Variants in KLHDC4 observed in about 807,000 individuals in gnomAD.
KLHDC4 encodes the protein kelch domain containing 4.
In KLHDC4, 90 loss-of-function variants were observed where a neutral mutation model predicts 62.4. The ratio of observed to expected loss-of-function variants is 1.44; its 90% CI spans 1.22 to 1.72. KLHDC4 has a LOEUF of 1.72. Among genes scored for constraint, KLHDC4 ranks in the 40% most tolerant of loss-of-function variants. The pLI is 0.00. For synonymous variants in KLHDC4, 386 were observed against 284.4 expected (o/e 1.36, Z -3.59); for missense variants, 1,025 against 699.7 (o/e 1.47, Z -5.25).
Position 87,756,395 on chromosome 16 carries a change from T to C in KLHDC4, c.270+4A>G. On this transcript the variant is annotated splice_donor_region_variant and intron_variant, in intron 3 of 11. Coordinates refer to ENST00000270583, the MANE Select transcript of KLHDC4 (RefSeq NM_017566.4). Reference sequence around the variant, plus strand: ...GGAAGAAAAGAAAAAAATATATACTTTACTTTTTGGCCGTTGAAATATTCA... The same window carrying C: ...GGAAGAAAAGAAAAAAATATATACTCTACTTTTTGGCCGTTGAAATATTCA... 1 of 1,603,698 alleles carries C rather than the reference T, an allele frequency of 6.2e-7. No homozygotes were observed. The highest frequency in any genetic ancestry group is 1.7e-5 in the Admixed American group (1 of 59,988).
chr16:87,753,758 G>A (rs558229009), intron 4 of KLHDC4, among the ~76,000 whole-genome samples: 70 of 150,126 alleles, frequency 4.7e-4, no homozygotes, highest in African/African-American at 1.7e-3. Flanking sequence ...CCAAGATCGC[G>A]CCACTGCACT....
chr16:87,721,740 G>A (rs888620280), intron 7 of KLHDC4, among the ~76,000 whole-genome samples: 2 of 152,232 alleles, frequency 1.3e-5, no homozygotes, highest in South Asian at 2.1e-4. Flanking sequence ...CATGCTCCAC[G>A]GCCTCGCGGT....
At chr16:87,763,067 T>G (rs2046116428) in intron 1 of KLHDC4, among the ~76,000 whole-genome samples, 2 of 152,330 alleles carry the variant, frequency 1.3e-5, no homozygotes, top group South Asian at 4.1e-4. Context: ...CAGGGTACAC[T>G]GCTTAGTATT....
At chr16:87,728,338 G>A (rs553910493) in intron 6 of KLHDC4, among the ~76,000 whole-genome samples, 1 of 152,230 alleles carries the variant, frequency 6.6e-6, no homozygotes, top group Non-Finnish European at 1.5e-5. Flanking sequence ...ACAGACCACT[G>A]TTTTTTTCAG....
chr16:87,732,714 C>T (rs1348416444), intron 5 of KLHDC4, among the ~76,000 whole-genome samples: 1 of 151,700 alleles, frequency 6.6e-6, no homozygotes, highest in Non-Finnish European at 1.5e-5. Context: ...GGACAATGCT[C>T]GAAAAACAGC....
At chr16:87,762,320 G>A (rs992221479) in intron 1 of KLHDC4, among the ~76,000 whole-genome samples, 9 of 152,170 alleles carry the variant, frequency 5.9e-5, no homozygotes, top group Non-Finnish European at 1.2e-4. Flanking sequence ...AGACAAGCCC[G>A]TTGTGACTTC....
rs113196529 is a variant in KLHDC4, at chr16:87,713,369, G to GT, written c.835+1128dup. On this transcript the variant is annotated intron_variant, in intron 8 of 11. Coordinates refer to ENST00000270583, the MANE Select transcript of KLHDC4 (RefSeq NM_017566.4). ...CACACACGCCAGCACACCTGGCTAC[G>GT]TTTTTTTTTTAAGAGATGGTGTGTC... Among the ~76,000 whole-genome samples, 1,305 of 148,778 alleles carry GT rather than the reference G, an allele frequency of 8.8e-3. 20 individuals carry two copies. The highest frequency in any genetic ancestry group is 0.029 in the African/African-American group (1,196 of 40,572).
chr16:87,745,897 C>G (rs552106541), intron 5 of KLHDC4, among the ~76,000 whole-genome samples: 1 of 152,196 alleles, frequency 6.6e-6, no homozygotes, highest in Non-Finnish European at 1.5e-5. Flanking sequence ...TAAGGCTCAA[C>G]ATTAGGCATC....
rs745651825 is a variant in KLHDC4, at chr16:87,762,006, G to A, written c.134C>T (p.Thr45Ile). 4.3e-6 allele frequency: 7 copies of A among 1,614,040 alleles called. No individual in the cohort carries two copies. The highest frequency in any genetic ancestry group is 5.9e-6 in the Non-Finnish European group (7 of 1,179,976). ...AGTCTGAGTCCTCTTGGCATCGAGT[G>A]TCTGGAAATGGGCTATGAGCGCTTC... ...DLEALIAHFQ[T>I]LDAKRTQTVE... The change falls in exon 2 of 12, where the codon ACA (threonine) becomes ATA (isoleucine). Residue 45 changes from threonine (T) to isoleucine (I), a missense_variant. Coordinates refer to ENST00000270583, the MANE Select transcript of KLHDC4 (RefSeq NM_017566.4).
intron 5 of KLHDC4, among the ~76,000 whole-genome samples, chr16:87,741,134 C>A (rs1032320640): frequency 6.6e-6 from 1 of 152,228 alleles, no homozygotes; most frequent in Admixed American, 6.5e-5. Flanking sequence ...TACAAAGTAT[C>A]CACATGATGT....
At chr16:87,703,641 T>A (rs182912480), downstream of KLHDC4, among the ~76,000 whole-genome samples, 1 of 152,102 alleles carries the variant, frequency 6.6e-6, no homozygotes, top group Non-Finnish European at 1.5e-5. Flanking sequence ...CCTCTAAAGG[T>A]GGGTCCCCTG....
intron 7 of KLHDC4, among the ~76,000 whole-genome samples, chr16:87,715,781 G>A (rs1396412643): frequency 1.3e-5 from 2 of 152,182 alleles, no homozygotes; most frequent in African/African-American, 2.4e-5. Flanking sequence ...GGCTGAGGTC[G>A]TGTCTGACAG....
In KLHDC4 at chr16:87,765,878, C is replaced by G. The variant is rs892630797; in HGVS notation, c.13G>C (p.Gly5Arg). 1 of 1,551,712 alleles carries G rather than the reference C, an allele frequency of 6.4e-7. No individual in the cohort carries two copies. The highest frequency in any genetic ancestry group is 1.2e-5 in the South Asian group (1 of 84,092). Reference protein sequence around the residue: MGKKGKKEKKGRGAE... With the variant: MGKKRKKEKKGRGAE... ...CCGCGGCCCTTCTTCTCCTTCTTGC[C>G]CTTCTTGCCCATCTTGCCGGGTCCC... Residue 5 changes from glycine to arginine, a missense_variant, in exon 1 of 12, where the codon GGC (glycine) becomes CGC (arginine). Transcript: ENST00000270583.
intron 7 of KLHDC4, among the ~76,000 whole-genome samples, chr16:87,721,576 C>G (rs1039828794): frequency 3.3e-5 from 5 of 152,096 alleles, no homozygotes; most frequent in African/African-American, 9.7e-5. Context: ...GGGCACGGAC[C>G]TCAGGGGCCA....
chr16:87,734,664 T>A (rs1010878653), intron 5 of KLHDC4, among the ~76,000 whole-genome samples: 7 of 152,186 alleles, frequency 4.6e-5, no homozygotes, highest in African/African-American at 9.6e-5. Flanking sequence ...ATTCTATTAA[T>A]CCAACCCGGA....
chr16:87,706,399 GCACAA>G (rs1022039852), downstream of KLHDC4, among the ~76,000 whole-genome samples: 4 of 130,788 alleles, frequency 3.1e-5, no homozygotes, highest in Admixed American at 7.7e-5. Flanking sequence ...GGGTTGGTCG[GCACAA>G]CACAACACAA....
In KLHDC4 at chr16:87,708,438, G is replaced by C; in HGVS notation, c.1476C>G (p.Asp492Glu). Residue 492 changes from aspartate (D) to glutamate (E), a missense_variant, in exon 11 of 12, where the codon GAC (aspartate) becomes GAG (glutamate). Asp to Glu is a conservative substitution (Grantham distance 45). Transcript: ENST00000270583. ...PETQEWLEET[D>E]SEEDSEEVEG... ...CAACCTCCTCACTGTCCTCTTCCGA[G>C]TCCGTCTCCTCCAGCCACTCCTGAG... The C allele has an allele frequency of 6.2e-7, 1 of 1,610,516 alleles. No individual in the cohort carries two copies. Among genetic ancestry groups the C allele is most frequent in the South Asian group, 1.1e-5 (1 of 90,906 alleles).
downstream of KLHDC4, among the ~76,000 whole-genome samples, chr16:87,704,827 A>G (rs1243474947): frequency 2.6e-5 from 4 of 152,176 alleles, no homozygotes; most frequent in Non-Finnish European, 5.9e-5. Flanking sequence ...CTTGATGTTC[A>G]TTCCACCCAA....
chr16:87,743,469 G>C (rs374783234), intron 5 of KLHDC4, among the ~76,000 whole-genome samples: 2 of 152,134 alleles, frequency 1.3e-5, no homozygotes, highest in African/African-American at 2.4e-5. Context: ...GCCAGGCGCC[G>C]TGGCTCATGC....
Sources: allele counts gnomAD v4.1 joint callset (sites outside exome capture counted in the v4.1 genomes callset), GRCh38; gene constraint gnomAD v4.1.1; transcripts MANE v1.5; gene names NCBI Gene and HGNC (gene_info 2026-07-23, HGNC 2026-07-21).